Variants in ARHGAP32 observed in about 807,000 individuals in gnomAD.
ARHGAP32 encodes rho GTPase-activating protein 32.
In ARHGAP32, 51 loss-of-function variants were observed where a neutral mutation model predicts 186.5. That is an observed-to-expected ratio of 0.27 (90% CI 0.22 to 0.35). The LOEUF (loss-of-function observed/expected upper bound fraction) is 0.35. ARHGAP32 is among the 10% of genes least tolerant of loss of function. The pLI is 1.00. For missense variants in ARHGAP32, 2,186 were observed against 2,623.5 expected, an observed-to-expected ratio of 0.83 and a Z score of 3.64; for synonymous variants, 950 against 964.3, an observed-to-expected ratio of 0.99 and a Z score of 0.27.
intron 7 of ARHGAP32, 62 bp downstream of exon 7, chr11:129,066,669 C>T: frequency 6.6e-7 from 1 of 1,514,556 alleles, no homozygotes; most frequent in Non-Finnish European, 8.9e-7. Context: ...AGTATACAGA[C>T]AAAAACTTCT....
chr11:129,160,668 A>T (rs1943510807), intron 2 of ARHGAP32, among the ~76,000 whole-genome samples: 1 of 152,244 alleles, frequency 6.6e-6, no homozygotes, highest in Non-Finnish European at 1.5e-5. Context: ...GGACACAAAC[A>T]AATAGAAAGA....
chr11:129,254,023 A>C (rs1945221645), intron 1 of ARHGAP32, among the ~76,000 whole-genome samples: 1 of 152,166 alleles, frequency 6.6e-6, no homozygotes, highest in Non-Finnish European at 1.5e-5. Flanking sequence ...TTAAAATTAC[A>C]TTATAAATGA....
At chr11:129,092,397 A>C (rs1256085693) in intron 6 of ARHGAP32, among the ~76,000 whole-genome samples, 1 of 151,992 alleles carries the variant, frequency 6.6e-6, no homozygotes, top group Non-Finnish European at 1.5e-5. Flanking sequence ...TACTCTAGAT[A>C]AAAAAGATAT....
chr11:129,091,593 T>C (rs1352261837), intron 6 of ARHGAP32, among the ~76,000 whole-genome samples: 1 of 152,096 alleles, frequency 6.6e-6, no homozygotes, highest in Non-Finnish European at 1.5e-5. Flanking sequence ...AGTGATATTA[T>C]TAAAAAGTAG....
At chr11:129,136,726 A>G (rs547313711) in intron 2 of ARHGAP32, among the ~76,000 whole-genome samples, 18 of 152,194 alleles carry the variant, frequency 1.2e-4, no homozygotes, top group African/African-American at 4.3e-4. Flanking sequence ...ATTAAAATTA[A>G]AATGAGGAAA....
intron 2 of ARHGAP32, among the ~76,000 whole-genome samples, chr11:129,159,012 G>C (rs1943472819): frequency 6.6e-6 from 1 of 152,146 alleles, no homozygotes; most frequent in African/African-American, 2.4e-5. Context: ...AAATCAATGA[G>C]AACAAAGACA....
rs772416064 is a variant in ARHGAP32, at chr11:129,063,887, A to C, written c.885+15T>G. The C allele has an allele frequency of 7.5e-6, 12 of 1,593,766 alleles. No individual in the cohort carries two copies. The highest frequency in any genetic ancestry group is 1.0e-5 in the Non-Finnish European group (12 of 1,172,956). ...AGCAAGAACCAAATAACAAACAACC[A>C]CTTTAACTATTTACCTCTAAGGTCA... On this transcript the variant is annotated intron_variant, in intron 9 of 22. Coordinates refer to ENST00000682385, the MANE Select transcript of ARHGAP32 (RefSeq NM_001378024.1).
intron 5 of ARHGAP32, among the ~76,000 whole-genome samples, chr11:129,104,571 A>C (rs1369590074): frequency 6.6e-6 from 1 of 152,070 alleles, no homozygotes; most frequent in Non-Finnish European, 1.5e-5. Context: ...TAACCTTAAA[A>C]GAAATTAAGA....
At chr11:129,001,026 T>A (rs989331797) in intron 11 of ARHGAP32, among the ~76,000 whole-genome samples, 8 of 147,822 alleles carry the variant, frequency 5.4e-5, no homozygotes, top group African/African-American at 2.1e-4. Flanking sequence ...TATCCATTCA[T>A]CTGCTGATGA....
At chr11:129,179,329 C>G (rs1943995721) in intron 1 of ARHGAP32, among the ~76,000 whole-genome samples, 1 of 152,186 alleles carries the variant, frequency 6.6e-6, no homozygotes, top group Non-Finnish European at 1.5e-5. Flanking sequence ...AATAGGAAAA[C>G]TTTTACACTG....
At chr11:129,171,442 G>C (rs1158352044) in intron 1 of ARHGAP32, among the ~76,000 whole-genome samples, 2 of 152,096 alleles carry the variant, frequency 1.3e-5, no homozygotes, top group Non-Finnish European at 2.9e-5. Context: ...CTTTCCCATT[G>C]TTTGTTTTTG....
intron 5 of ARHGAP32, among the ~76,000 whole-genome samples, chr11:129,100,618 G>C (rs962156309): frequency 6.6e-6 from 1 of 152,108 alleles, no homozygotes; most frequent in Admixed American, 6.5e-5. Context: ...GACCACCACT[G>C]TAGACGGAGC....
chr11:128,985,069 G>C (rs1945822101), intron 15 of ARHGAP32, among the ~76,000 whole-genome samples: 1 of 152,096 alleles, frequency 6.6e-6, no homozygotes, highest in African/African-American at 2.4e-5. Flanking sequence ...TGTCCAGCTG[G>C]GGTGCAGTGG....
At chr11:129,211,123 T>C (rs1411862823) in intron 1 of ARHGAP32, among the ~76,000 whole-genome samples, 1 of 152,178 alleles carries the variant, frequency 6.6e-6, no homozygotes, top group African/African-American at 2.4e-5. Context: ...CCTTTAAAGA[T>C]AAAATCCTAT....
chr11:129,116,163 G>T (rs1942363309), intron 5 of ARHGAP32, among the ~76,000 whole-genome samples: 1 of 152,042 alleles, frequency 6.6e-6, no homozygotes, highest in African/African-American at 2.4e-5. Context: ...TGTGTGTAGT[G>T]TGTCTGTAGT....
intron 1 of ARHGAP32, among the ~76,000 whole-genome samples, chr11:129,174,681 G>C (rs1489203263): frequency 1.3e-5 from 2 of 152,184 alleles, no homozygotes; most frequent in South Asian, 2.1e-4. Flanking sequence ...AGCAGGGGCA[G>C]TCTGACACCT....
At chr11:129,194,278 G>A (rs1347584675), upstream of ARHGAP32, among the ~76,000 whole-genome samples, 4 of 152,028 alleles carry the variant, frequency 2.6e-5, no homozygotes, top group Admixed American at 2.0e-4. Flanking sequence ...AGAAGTAAGA[G>A]GCAAACAGGA....
intron 10 of ARHGAP32, among the ~76,000 whole-genome samples, chr11:129,051,683 G>A (rs1487518689): frequency 2.7e-5 from 4 of 150,738 alleles, no homozygotes; most frequent in Admixed American, 6.6e-5. Context: ...TTGGCTGGGC[G>A]TGGTGGCTCA....
At position 128,981,501 on chromosome 11, in the gene ARHGAP32, A is replaced by C. The variant is rs199804445; in HGVS notation, c.1695T>G (p.Ile565Met). The C allele has an allele frequency of 4.0e-5, 65 of 1,613,982 alleles. No individual in the cohort carries two copies. Among genetic ancestry groups the C allele is most frequent in the Non-Finnish European group, 2.5e-5 (29 of 1,179,980 alleles). Reference sequence around the variant, plus strand: ...GGATGAACTCAACAACCACAGACTGAATCCTCACTTCCATGAAAGCTGCTG... The same window carrying C: ...GGATGAACTCAACAACCACAGACTGCATCCTCACTTCCATGAAAGCTGCTG... Reference protein sequence around the residue: ...SGTAAFMEVRIQSVVVEFILN... With the variant: ...SGTAAFMEVRMQSVVVEFILN... The change falls in exon 17 of 23, where the codon ATT becomes ATG. Residue 565 changes from isoleucine (I) to methionine (M), a missense_variant. Ile to Met is a conservative substitution (Grantham distance 10). This residue lies in a region of ARHGAP32 where 308 missense variants were observed against 596.5 expected (regional missense o/e 0.52). Transcript: ENST00000682385.
Sources: allele counts gnomAD v4.1 joint callset (sites outside exome capture counted in the v4.1 genomes callset), GRCh38; gene constraint gnomAD v4.1.1; regional missense constraint gnomAD v4.1.1; transcripts MANE v1.5; gene names NCBI Gene and HGNC (gene_info 2026-07-23, HGNC 2026-07-21).